EIF2AK4: variants seen among roughly 807,000 people sequenced by gnomAD.
EIF2AK4 encodes eukaryotic translation initiation factor 2 alpha kinase 4, also known as eIF-2-alpha kinase GCN2.
A neutral mutation model predicts 211.1 loss-of-function variants in EIF2AK4; 139 were observed. The ratio of observed to expected loss-of-function variants is 0.66; its 90% CI spans 0.57 to 0.76. The LOEUF is 0.76. EIF2AK4 is among the 30% of genes least tolerant of loss of function. The pLI is 0.00. For missense variants in EIF2AK4, 1,664 were observed against 2,043.8 expected (o/e 0.81, Z 3.58); for synonymous variants, 710 against 751.3 (o/e 0.94, Z 0.90).
intron 2 of EIF2AK4, among the ~76,000 whole-genome samples, chr15:39,942,019 G>A (rs2034151889): frequency 6.6e-6 from 1 of 152,086 alleles, no homozygotes; most frequent in Non-Finnish European, 1.5e-5. Context: ...TATATAGCAA[G>A]GAAATAAAGA....
chr15:40,026,802 T>C (rs531344454), intron 33 of EIF2AK4, among the ~76,000 whole-genome samples: 3 of 152,334 alleles, frequency 2.0e-5, no homozygotes, highest in African/African-American at 7.2e-5. Flanking sequence ...ATCAACCATA[T>C]GGGTAGGAAT....
At chr15:39,941,236 C>T (rs1234796944) in intron 2 of EIF2AK4, among the ~76,000 whole-genome samples, 2 of 152,198 alleles carry the variant, frequency 1.3e-5, no homozygotes, top group African/African-American at 2.4e-5. Flanking sequence ...CAGCCCCCTA[C>T]TCCTCCCTAA....
At chr15:39,972,813 A>G (rs2034643122) in intron 9 of EIF2AK4, 95 bp from the exon 10 acceptor site, 3 of 903,362 alleles carry the variant, frequency 3.3e-6, no homozygotes, top group East Asian at 2.5e-5. Flanking sequence ...TATAATGTGT[A>G]TCTTTAAAAA....
At chr15:39,978,506 G>C (rs1286113388) in intron 13 of EIF2AK4, among the ~76,000 whole-genome samples, 1 of 152,186 alleles carries the variant, frequency 6.6e-6, no homozygotes. Context: ...CCTCATCATG[G>C]AGTTACCTTG....
intron 9 of EIF2AK4, among the ~76,000 whole-genome samples, chr15:39,969,136 G>C (rs1189098819): frequency 6.6e-6 from 1 of 152,006 alleles, no homozygotes; most frequent in African/African-American, 2.4e-5. Context: ...GTCACCTTTA[G>C]TGTTCTGCCT....
chr15:40,012,562 A>G (rs2035248155), intron 27 of EIF2AK4, among the ~76,000 whole-genome samples: 1 of 152,240 alleles, frequency 6.6e-6, no homozygotes, highest in Non-Finnish European at 1.5e-5. Context: ...CCATGTGTAA[A>G]TAGCACAGAG....
At chr15:39,972,864 C>G (rs1344189631) in intron 9 of EIF2AK4, 44 bp from the exon 10 acceptor site, 2 of 1,511,654 alleles carry the variant, frequency 1.3e-6, no homozygotes, top group Non-Finnish European at 1.8e-6. Flanking sequence ...TAGTTTAGCA[C>G]TGATTGTTTG....
intron 3 of EIF2AK4, chr15:39,946,761 TCAC>T (rs2034233563): frequency 1.5e-6 from 1 of 663,448 alleles, no homozygotes; most frequent in African/African-American, 1.8e-5. Context: ...ACCCCAGCCT[TCAC>T]CAGCCACCAC....
chr15:39,978,832 T>A (rs956933140), intron 13 of EIF2AK4, among the ~76,000 whole-genome samples: 1 of 152,034 alleles, frequency 6.6e-6, no homozygotes, highest in African/African-American at 2.4e-5. Flanking sequence ...AAAATACGAG[T>A]ACAGATACTA....
At position 40,035,125 on chromosome 15, in the gene EIF2AK4, G is replaced by C; in HGVS notation, c.*41G>C. The stretch of plus-strand genomic sequence containing the variant: ...GTTAACCTCATTCAAACAGACAGAG[G>C]CTTATACTGGAATAATGGAATGTTG... On this transcript the variant is annotated 3_prime_UTR_variant, in exon 39 of 39. Transcript: ENST00000263791. The C allele has an allele frequency of 7.4e-7, 1 of 1,358,696 alleles. No homozygotes were observed. The highest frequency in any genetic ancestry group is 2.4e-5 in the East Asian group (1 of 42,466). 84.2% of individuals were successfully genotyped at this position (1,358,696 alleles called of 1,614,324 possible).
At chr15:39,964,760 G>T (rs1054939029) in intron 7 of EIF2AK4, among the ~76,000 whole-genome samples, 1 of 152,080 alleles carries the variant, frequency 6.6e-6, no homozygotes, top group Non-Finnish European at 1.5e-5. Flanking sequence ...CAGAAATTTA[G>T]CTCTCCCTGT....
At chr15:40,017,551 A>ATATG (rs57395145) in intron 29 of EIF2AK4, among the ~76,000 whole-genome samples, 2,439 of 85,132 alleles carry the variant, frequency 0.029, 173 homozygotes, top group Non-Finnish European at 0.041. Flanking sequence ...ATATATATAT[A>ATATG]TATGTATTTT....
At chr15:39,972,042 G>A (rs538304715) in intron 9 of EIF2AK4, among the ~76,000 whole-genome samples, 18 of 152,156 alleles carry the variant, frequency 1.2e-4, no homozygotes, top group African/African-American at 4.1e-4. Flanking sequence ...TAAGTTAATG[G>A]GTTCAAGGAA....
At chr15:39,989,776 A>T (rs1179037853) in intron 15 of EIF2AK4, among the ~76,000 whole-genome samples, 5 of 152,230 alleles carry the variant, frequency 3.3e-5, no homozygotes, top group Non-Finnish European at 7.3e-5. Flanking sequence ...TAATTGTTGC[A>T]CACCTACTGT....
At chr15:40,027,353 A>G (rs1567010262) in intron 33 of EIF2AK4, among the ~76,000 whole-genome samples, 1 of 152,272 alleles carries the variant, frequency 6.6e-6, no homozygotes, top group Non-Finnish European at 1.5e-5. Flanking sequence ...TGAAAAGGCA[A>G]TTAATATTTT....
chr15:40,002,847 A>G (rs2035111323), intron 22 of EIF2AK4, 59 bp downstream of exon 22: 4 of 1,570,152 alleles, frequency 2.5e-6, no homozygotes, highest in Non-Finnish European at 3.5e-6. Flanking sequence ...TCATCATTAG[A>G]AAGTACTGTT....
intron 32 of EIF2AK4, among the ~76,000 whole-genome samples, chr15:40,025,184 A>C (rs1369204710): frequency 6.6e-6 from 1 of 152,216 alleles, no homozygotes; most frequent in Non-Finnish European, 1.5e-5. Flanking sequence ...ATTCTGGTAC[A>C]ACCCTGAATA....
chr15:39,940,501 A>C (rs2034129975), intron 2 of EIF2AK4, among the ~76,000 whole-genome samples: 1 of 152,214 alleles, frequency 6.6e-6, no homozygotes, highest in African/African-American at 2.4e-5. Flanking sequence ...AAAGACAGAT[A>C]AGTCAAAATT....
intron 14 of EIF2AK4, 89 bp downstream of exon 14, chr15:39,985,977 C>T: frequency 8.7e-7 from 1 of 1,148,060 alleles, no homozygotes; most frequent in Non-Finnish European, 1.3e-6. Flanking sequence ...AGATAATGGA[C>T]AGAGGAGGGC....
Sources: gnomAD v4.1 joint callset for allele counts (sites outside exome capture counted in the v4.1 genomes callset) on GRCh38, gnomAD v4.1.1 for gene constraint, MANE v1.5 for transcripts, NCBI Gene and HGNC (gene_info 2026-07-23, HGNC 2026-07-21) for gene names.